Variants in PHACTR3 observed in about 807,000 individuals in gnomAD.
PHACTR3 encodes the protein phosphatase and actin regulator 3.
In PHACTR3, 16 loss-of-function variants were observed where a neutral mutation model predicts 66.8. The observed-to-expected ratio is 0.24, with a 90% CI of 0.16 to 0.36. The LOEUF (loss-of-function observed/expected upper bound fraction) is 0.36, where lower values mean the gene tolerates loss of function less well. PHACTR3 is among the 10% of genes least tolerant of loss of function. The pLI is 1.00. For missense variants in PHACTR3, 647 were observed against 719.9 expected (o/e 0.90, Z 1.16); for synonymous variants, 323 against 292.1 (o/e 1.11, Z -1.08).
rs1005400916 is a variant in PHACTR3 at position 59,830,223 on chromosome 20, G to A, written c.1329-6282G>A. Among the ~76,000 whole-genome samples the A allele has an allele frequency of 2.3e-3, 321 of 138,752 alleles. No homozygotes were observed. Among genetic ancestry groups the A allele is most frequent in the African/African-American group, 8.9e-3 (268 of 30,162 alleles). 91.0% of individuals were successfully genotyped at this position (138,752 alleles called of 152,430 possible). A position where few individuals can be genotyped will look rare whatever the true frequency, so the allele number is the denominator to read the frequency against. On this transcript the variant is annotated intron_variant, in intron 8 of 12. Transcript: ENST00000371015. This position sits in a 1 kb window ranked among gnomAD's most constrained non-coding sequence, Gnocchi z 5.8. ...GTATGAGTGTCTGATAGAAGAGGGC[G>A]TGAGTGTCTGATGGAAGAGGGTATG...
At chr20:59,747,624 G>C (rs1050837655) in intron 2 of PHACTR3, 134 bp from the exon 3 acceptor site, 3 of 926,976 alleles carry the variant, frequency 3.2e-6, no homozygotes, top group African/African-American at 3.3e-5. Flanking sequence ...AGTGGACTAG[G>C]CCCCCTAACC....
intron 1 of PHACTR3, among the ~76,000 whole-genome samples, chr20:59,634,271 G>C (rs4812123): frequency 0.04 from 6,107 of 152,284 alleles, 131 homozygotes; most frequent in Middle Eastern, 0.071. Flanking sequence ...AGGCGGAGCT[G>C]GGTGTGAATC....
At chr20:59,752,511 T>C (rs1295056009) in intron 3 of PHACTR3, among the ~76,000 whole-genome samples, 1 of 141,882 alleles carries the variant, frequency 7.0e-6, no homozygotes, top group Non-Finnish European at 1.6e-5. Context: ...CTGAAACTTT[T>C]CACTGAACAT....
intron 1 of PHACTR3, among the ~76,000 whole-genome samples, chr20:59,706,660 A>C (rs982613912): frequency 5.9e-5 from 9 of 152,240 alleles, no homozygotes; most frequent in African/African-American, 2.2e-4. Flanking sequence ...TGGGGAAAGA[A>C]GGGCTTTTTT....
chr20:59,666,425 G>A (rs1435923693), intron 1 of PHACTR3, among the ~76,000 whole-genome samples: 4 of 152,204 alleles, frequency 2.6e-5, no homozygotes, highest in African/African-American at 9.7e-5. Flanking sequence ...ATGTCAGGTG[G>A]ATTCAGGGCC....
chr20:59,695,636 A>G (rs148765570), intron 1 of PHACTR3, among the ~76,000 whole-genome samples: 283 of 152,136 alleles, frequency 1.9e-3, no homozygotes, highest in African/African-American at 6.6e-3. Flanking sequence ...ACTGCCTGAG[A>G]ATTTTGGGGT....
chr20:59,703,245 G>A (rs1024620484), intron 1 of PHACTR3, among the ~76,000 whole-genome samples: 1 of 152,100 alleles, frequency 6.6e-6, no homozygotes, highest in Non-Finnish European at 1.5e-5. Context: ...ATGGTTTAAA[G>A]GTATTTTTAT....
chr20:59,645,960 C>G (rs74341614), intron 1 of PHACTR3, among the ~76,000 whole-genome samples: 129 of 152,314 alleles, frequency 8.5e-4, no homozygotes, highest in African/African-American at 2.8e-3. Flanking sequence ...TATCATCACA[C>G]AGCCTCACTC....
chr20:59,800,953 A>C (rs2146982449), intron 7 of PHACTR3, among the ~76,000 whole-genome samples: 1 of 152,300 alleles, frequency 6.6e-6, no homozygotes, highest in East Asian at 1.9e-4. Flanking sequence ...TACACCATGA[A>C]GTTTTCTGTC....
chr20:59,693,207 G>A (rs568351242), intron 1 of PHACTR3, among the ~76,000 whole-genome samples: 10 of 152,286 alleles, frequency 6.6e-5, no homozygotes, highest in Non-Finnish European at 1.3e-4. Context: ...AAGCATCGGC[G>A]TCTGGCACAG....
chr20:59,719,567 A>T (rs1601180687), intron 1 of PHACTR3, among the ~76,000 whole-genome samples: 1 of 152,236 alleles, frequency 6.6e-6, no homozygotes, highest in African/African-American at 2.4e-5. Flanking sequence ...AGCCAAAAGG[A>T]TGTCTCAGTA....
intron 1 of PHACTR3, among the ~76,000 whole-genome samples, chr20:59,728,523 A>G (rs755369664): frequency 1.7e-4 from 26 of 152,146 alleles, no homozygotes; most frequent in Non-Finnish European, 3.2e-4. Context: ...GCCCATCGAC[A>G]GATCGATGGA....
intron 1 of PHACTR3, among the ~76,000 whole-genome samples, chr20:59,630,096 C>T (rs1037985574): frequency 6.6e-6 from 1 of 152,182 alleles, no homozygotes; most frequent in African/African-American, 2.4e-5. Flanking sequence ...CACTGATTTC[C>T]TGGCAATGTG....
intron 8 of PHACTR3, among the ~76,000 whole-genome samples, chr20:59,831,649 C>A (rs945815812): frequency 2.6e-5 from 4 of 152,184 alleles, no homozygotes; most frequent in African/African-American, 9.7e-5. Flanking sequence ...TCTGCAGGGC[C>A]TTCTGCAGCT....
intron 4 of PHACTR3, among the ~76,000 whole-genome samples, chr20:59,756,841 C>T (rs1969932): frequency 3.9e-5 from 6 of 151,978 alleles, no homozygotes; most frequent in African/African-American, 1.5e-4. Flanking sequence ...CAAGCAATGG[C>T]AACAAAAGCC....
intron 1 of PHACTR3, among the ~76,000 whole-genome samples, chr20:59,678,961 G>A (rs927405805): frequency 1.3e-5 from 2 of 151,578 alleles, no homozygotes; most frequent in Non-Finnish European, 2.9e-5. Context: ...AGGTCTGGGT[G>A]GGGTGGGGGG....
intron 1 of PHACTR3, among the ~76,000 whole-genome samples, chr20:59,652,944 A>G (rs1255560135): frequency 1.3e-5 from 2 of 152,188 alleles, no homozygotes; most frequent in Non-Finnish European, 2.9e-5. Context: ...TTTAAAATAA[A>G]TGCTGGGAGT....
chr20:59,748,209 A>T (rs1046616565), intron 3 of PHACTR3, among the ~76,000 whole-genome samples: 6 of 152,078 alleles, frequency 3.9e-5, no homozygotes, highest in Admixed American at 2.0e-4. Flanking sequence ...CCATTTGGGC[A>T]AATTATTTTT....
At chr20:59,814,322 G>A (rs1159103767) in intron 8 of PHACTR3, among the ~76,000 whole-genome samples, 1 of 152,224 alleles carries the variant, frequency 6.6e-6, no homozygotes, top group Non-Finnish European at 1.5e-5. Context: ...ATGAACGGCA[G>A]GCCTGTGGCT....
Sources: allele counts gnomAD v4.1 joint callset (sites outside exome capture counted in the v4.1 genomes callset), GRCh38; gene constraint gnomAD v4.1.1; non-coding constraint Gnocchi (gnomAD v3.1); transcripts MANE v1.5; gene names NCBI Gene and HGNC (gene_info 2026-07-23, HGNC 2026-07-21).